The following UST variants were observed in gnomAD, a reference collection of about 807,000 sequenced individuals.
UST encodes chondroitin sulfate 2-O-sulfotransferase.
UST carries 21 observed loss-of-function variants against 45.6 expected under a neutral mutation model. The observed-to-expected ratio is 0.46, with a 90% CI of 0.33 to 0.66. UST has a LOEUF of 0.66. UST is among the 30% of genes least tolerant of loss of function. The pLI, the probability that UST is intolerant of heterozygous loss-of-function variation, is 0.02. For missense variants in UST, 463 were observed against 512.4 expected (o/e 0.90, Z 0.93); for synonymous variants, 215 against 200.6 (o/e 1.07, Z -0.61).
intron 5 of UST, among the ~76,000 whole-genome samples, chr6:148,981,018 C>G (rs1432062960): frequency 6.6e-6 from 1 of 152,218 alleles, no homozygotes; most frequent in Admixed American, 6.5e-5. Context: ...AGTCACCACA[C>G]CTGGCCGGAA....
At chr6:148,768,047 T>A (rs1345834744) in intron 1 of UST, among the ~76,000 whole-genome samples, 1 of 152,194 alleles carries the variant, frequency 6.6e-6, no homozygotes, top group Non-Finnish European at 1.5e-5. Context: ...GCTGGTTAAA[T>A]GTATACCAAT....
At chr6:148,747,782 C>G (rs534451382) in intron 1 of UST, 105 bp downstream of exon 1, 26 of 1,385,038 alleles carry the variant, frequency 1.9e-5, no homozygotes, top group Non-Finnish European at 2.4e-5. Flanking sequence ...CGCGCCGCCG[C>G]CGCCCCGGGT....
In UST at chr6:148,754,341, A is replaced by C. The variant is rs534576419; in HGVS notation, c.247+6664A>C. Among the ~76,000 whole-genome samples, 4 of 152,266 alleles carry C rather than the reference A, an allele frequency of 2.6e-5. No homozygotes were observed. The South Asian group carries it at 8.3e-4, about 32-fold the overall frequency. On this transcript the variant is annotated intron_variant, in intron 1 of 7. Transcript: ENST00000367463. ...TTATTTCCATAGGTTTTAGGGGAAC[A>C]GGTGGTATTTGGTTACGTGAGTAAG...
At position 148,992,227 on chromosome 6, in the gene UST, G is replaced by A. The variant is rs140815087; in HGVS notation, c.682-26912G>A. On this transcript the variant is annotated intron_variant, in intron 5 of 7. Coordinates refer to ENST00000367463, the MANE Select transcript of UST (RefSeq NM_005715.3). ...TAAAGAGTTTTAGAGTCCCGAGGCC[G>A]ATCGCGGTGGCTCACGCCTGTAATC... Among the ~76,000 whole-genome samples, 74 of 152,302 alleles carry A rather than the reference G, an allele frequency of 4.9e-4. 1 individual carries two copies. In the East Asian group the frequency reaches 0.012, roughly 25 times the overall value.
At chr6:149,032,060 C>T (rs1276116854) in intron 7 of UST, among the ~76,000 whole-genome samples, 3 of 152,196 alleles carry the variant, frequency 2.0e-5, no homozygotes, top group African/African-American at 7.2e-5. Flanking sequence ...CCTCTTGGAG[C>T]CAGGCTCACT....
At chr6:148,798,171 G>C (rs11967904) in intron 1 of UST, among the ~76,000 whole-genome samples, 2,355 of 152,244 alleles carry the variant, frequency 0.015, 67 homozygotes, top group African/African-American at 0.054. Context: ...GGGCAGAACA[G>C]GACATTAGAG....
At chr6:148,820,852 CA>C (rs1212781868) in intron 1 of UST, among the ~76,000 whole-genome samples, 1,244 of 66,664 alleles carry the variant, frequency 0.019, 11 homozygotes, top group Middle Eastern at 0.052. Context: ...GACTCCATCT[CA>C]AAAAAAAAAA....
rs1779213810 is a variant in UST at position 148,899,868 on chromosome 6, C to T, written c.291+12839C>T. ...TTGTCTGTGCAAGAGAAGGATTTAG[C>T]TCTTTCACTGCAGCTGACCCACCTC... is the stretch of plus-strand genomic sequence containing the variant. On this transcript the variant is annotated intron_variant, in intron 2 of 7. Coordinates refer to ENST00000367463, the MANE Select transcript of UST (RefSeq NM_005715.3). 2.6e-5 allele frequency among the ~76,000 whole-genome samples: 4 copies of T among 152,300 alleles called. 1 individual carries two copies. Among genetic ancestry groups the T allele is most frequent in the South Asian group, 4.1e-4 (2 of 4,826 alleles).
At chr6:148,816,784 AT>A (rs1777363817) in intron 1 of UST, among the ~76,000 whole-genome samples, 1 of 152,072 alleles carries the variant, frequency 6.6e-6, no homozygotes, top group African/African-American at 2.4e-5. Context: ...TGTATTTAAA[AT>A]TTTTTTTCAA....
At chr6:148,836,989 G>A (rs532858583) in intron 1 of UST, among the ~76,000 whole-genome samples, 16 of 152,262 alleles carry the variant, frequency 1.1e-4, no homozygotes, top group African/African-American at 2.6e-4. Context: ...ATTTTCCTCA[G>A]CTGATAACTC....
intron 5 of UST, among the ~76,000 whole-genome samples, chr6:149,009,182 A>G (rs1012477263): frequency 1.3e-5 from 2 of 152,274 alleles, no homozygotes; most frequent in Non-Finnish European, 2.9e-5. Flanking sequence ...GCATCAAGAA[A>G]GAACGCTTAG....
At chr6:149,055,832 T>A (rs1776554089) in intron 7 of UST, among the ~76,000 whole-genome samples, 1 of 152,160 alleles carries the variant, frequency 6.6e-6, no homozygotes. Flanking sequence ...GTCCCTTCTC[T>A]TCCATCTGAC....
At chr6:148,871,117 C>CCTCTCTCT (rs749134391) in intron 1 of UST, among the ~76,000 whole-genome samples, 7,106 of 97,494 alleles carry the variant, frequency 0.073, 585 homozygotes, top group Middle Eastern at 0.094. Context: ...GCATTCTCTC[C>CCTCTCTCT]CTCTCTCTCT....
intron 5 of UST, among the ~76,000 whole-genome samples, chr6:148,970,593 C>T (rs748164930): frequency 1.3e-5 from 2 of 152,160 alleles, no homozygotes; most frequent in Non-Finnish European, 2.9e-5. Flanking sequence ...GGATTGCAGG[C>T]CAGTGAAGGC....
intron 2 of UST, among the ~76,000 whole-genome samples, chr6:148,908,195 G>A (rs537324074): frequency 6.6e-6 from 1 of 152,042 alleles, no homozygotes; most frequent in African/African-American, 2.4e-5. Context: ...TTTGGCTCGA[G>A]TCAAATCAAT....
intron 5 of UST, among the ~76,000 whole-genome samples, chr6:148,983,402 A>G (rs142167839): frequency 2.1e-3 from 324 of 152,354 alleles, no homozygotes; most frequent in Non-Finnish European, 3.5e-3. Flanking sequence ...ATGGAAGAAC[A>G]GGATTCGTCA....
chr6:148,971,547 G>A lies in UST; in HGVS notation c.681+6984G>A, dbSNP rs988362254. Among the ~76,000 whole-genome samples, 5 of 152,194 alleles carry A rather than the reference G, an allele frequency of 3.3e-5. No homozygotes were observed. In the East Asian group the frequency reaches 7.7e-4, roughly 23 times the overall value. ...AATGGGGCAGTTGGCAAGTCTGGAAGTCAGAGAAGTGTTGGTTGAGCTATA... is the reference window on the plus strand; with the variant it reads ...AATGGGGCAGTTGGCAAGTCTGGAAATCAGAGAAGTGTTGGTTGAGCTATA... On this transcript the variant is annotated intron_variant, in intron 5 of 7. Transcript: ENST00000367463.
intron 1 of UST, among the ~76,000 whole-genome samples, chr6:148,775,642 GGC>G (rs1776518769): frequency 6.6e-6 from 1 of 150,666 alleles, no homozygotes; most frequent in African/African-American, 2.4e-5. Context: ...TTTTTTTTGG[GGC>G]GGGGAGAGAG....
chr6:148,894,378 T>C (rs968844579), intron 2 of UST, among the ~76,000 whole-genome samples: 2 of 152,176 alleles, frequency 1.3e-5, no homozygotes, highest in Non-Finnish European at 2.9e-5. Context: ...ATGATTGATG[T>C]CTGTATAAGA....
Sources: gnomAD v4.1 joint callset for allele counts (sites outside exome capture counted in the v4.1 genomes callset) on GRCh38, gnomAD v4.1.1 for gene constraint, MANE v1.5 for transcripts, NCBI Gene and HGNC (gene_info 2026-07-23, HGNC 2026-07-21) for gene names.